POLR3E: variants seen among roughly 807,000 people sequenced by gnomAD.
The protein encoded by POLR3E is DNA-directed RNA polymerase III subunit RPC5.
A neutral mutation model predicts 96.6 loss-of-function variants in POLR3E; 41 were observed. The observed-to-expected ratio is 0.42, with a 90% CI of 0.33 to 0.55. The LOEUF (loss-of-function observed/expected upper bound fraction) is 0.55. POLR3E is among the 20% of genes least tolerant of loss of function. The pLI, the probability that POLR3E is intolerant of heterozygous loss-of-function variation, is 0.06. For synonymous variants in POLR3E, 396 were observed against 383.6 expected, an observed-to-expected ratio of 1.03 and a Z score of -0.38; for missense variants, 849 against 952.1, an observed-to-expected ratio of 0.89 and a Z score of 1.43.
At position 22,308,244 on chromosome 16, in the gene POLR3E, G is replaced by A; in HGVS notation, c.165+19G>A. ...GCAGAAGGTGGGGCTGCCCCCTGAG[G>A]GCAGTTGGGGCCGAAAGAGAGGGTG... is the stretch of plus-strand genomic sequence containing the variant. On this transcript the variant is annotated intron_variant, in intron 4 of 20. Coordinates refer to ENST00000299853, the MANE Select transcript of POLR3E (RefSeq NM_018119.4). 6.3e-7 allele frequency: 1 copy of A among 1,594,012 alleles called. No homozygotes were observed. The highest frequency in any genetic ancestry group is 1.1e-5 in the South Asian group (1 of 90,654).
chr16:22,300,861 A>T (rs186381477), intron 1 of POLR3E, among the ~76,000 whole-genome samples: 128 of 152,270 alleles, frequency 8.4e-4, no homozygotes, highest in Admixed American at 2.0e-3. Flanking sequence ...GACAACAAAC[A>T]TGTATTGAGT....
At position 22,313,068 on chromosome 16, in the gene POLR3E, G is replaced by A. The variant is rs568182437; in HGVS notation, c.365-552G>A. Among the ~76,000 whole-genome samples the A allele has an allele frequency of 1.4e-3, 214 of 152,046 alleles. No individual in the cohort carries two copies. The highest frequency in any genetic ancestry group is 4.7e-3 in the African/African-American group (193 of 41,444). On this transcript the variant is annotated intron_variant, in intron 6 of 20. Transcript: ENST00000299853. This position sits in a 1 kb window ranked among gnomAD's most constrained non-coding sequence, Gnocchi z 4.1. ...GAAAGCCACATCCCTTGCAGCGGGA[G>A]GGAAAGTCATGATCTTTATCAGAGG...
chr16:22,317,133 C>T lies in POLR3E; in HGVS notation c.792C>T (p.Pro264=), dbSNP rs543578286. The T allele has an allele frequency of 4.3e-6, 7 of 1,614,190 alleles. No homozygotes were observed. The South Asian group carries it at 5.5e-5, about 13-fold the overall frequency. ...TTCCCAGAGACAAGCCTGTGGCCCC[C>T]AGCAACGTCCTGTCGATGGCCCAGC... The part of the protein sequence containing the change: ...QEEEKDKPVA[P]SNVLSMAQLR... The change falls in exon 12 of 21, where the codon CCC becomes CCT. Residue 264 remains proline, a synonymous_variant. Transcript: ENST00000299853.
chr16:22,328,252 AT>A, intron 18 of POLR3E: 1 of 493,116 alleles, frequency 2.0e-6, no homozygotes, highest in Non-Finnish European at 3.7e-6. Flanking sequence ...GAAGCCGGGC[AT>A]TTCACTGGGC....
At chr16:22,326,304 G>T in intron 18 of POLR3E, 26 bp downstream of exon 18, 3 of 505,294 alleles carry the variant, frequency 5.9e-6, no homozygotes, top group Non-Finnish European at 1.1e-5. Context: ...CCTGCCAGGG[G>T]CATGGGGGGT....
chr16:22,326,400 A>G (rs779472557), intron 18 of POLR3E, 122 bp downstream of exon 18: 1 of 836,350 alleles, frequency 1.2e-6, no homozygotes, highest in Non-Finnish European at 2.0e-6. Flanking sequence ...ACGTGGGCCT[A>G]GGTGTGACAT....
chr16:22,300,816 C>T (rs1015967916), intron 1 of POLR3E, among the ~76,000 whole-genome samples: 5 of 152,240 alleles, frequency 3.3e-5, no homozygotes, highest in African/African-American at 1.2e-4. Flanking sequence ...TCTGTAGCTT[C>T]CTATTAAATA....
intron 19 of POLR3E, among the ~76,000 whole-genome samples, chr16:22,330,924 AC>A (rs2048724112): frequency 6.8e-6 from 1 of 146,010 alleles, no homozygotes; most frequent in Non-Finnish European, 1.5e-5. Context: ...TTCTATTTTT[AC>A]GTGATCAAAT....
chr16:22,330,427 A>G (rs1220177605), intron 19 of POLR3E, among the ~76,000 whole-genome samples: 1 of 152,176 alleles, frequency 6.6e-6, no homozygotes, highest in African/African-American at 2.4e-5. Flanking sequence ...TAGCATTGTC[A>G]CAGAATGAAC....
At chr16:22,325,152 A>G (rs2048552619) in intron 16 of POLR3E, 53 bp from the exon 17 acceptor site, 1 of 1,372,790 alleles carries the variant, frequency 7.3e-7, no homozygotes, top group East Asian at 2.3e-5. Context: ...TCTCTTGTGA[A>G]GCAGATGGTA....
Position 22,326,101 on chromosome 16 carries a change from G to A in POLR3E, c.1689G>A (p.Lys563=). ...CASTPVAREL[K]AFVEATFQRQ... ...GCACCCCTGTGGCTCGGGAACTGAA[G>A]GCCTTCGTGGAGGCCACCTTTCAGA... is the stretch of plus-strand genomic sequence containing the variant. The change falls in exon 18 of 21, where the codon AAG becomes AAA. Residue 563 remains lysine (K), a synonymous_variant. Coordinates refer to ENST00000299853, the MANE Select transcript of POLR3E (RefSeq NM_018119.4). The A allele has an allele frequency of 1.2e-6, 2 of 1,613,714 alleles. No homozygotes were observed. Among genetic ancestry groups the A allele is most frequent in the Admixed American group, 1.7e-5 (1 of 60,024 alleles).
At chr16:22,332,279 A>G in intron 20 of POLR3E, 94 bp downstream of exon 20, 1 of 1,177,698 alleles carries the variant, frequency 8.5e-7, no homozygotes. Context: ...TGTATATGAA[A>G]TCAGGCTTCC....
chr16:22,321,520 G>A (rs760289413), intron 13 of POLR3E, among the ~76,000 whole-genome samples: 12 of 152,180 alleles, frequency 7.9e-5, no homozygotes, highest in Non-Finnish European at 1.6e-4. Flanking sequence ...GGCGCATCGC[G>A]TATTACATAG....
Position 22,313,469 on chromosome 16 carries a change from C to G in POLR3E, c.365-151C>G. 2 of 605,658 alleles carry G rather than the reference C, an allele frequency of 3.3e-6. No individual in the cohort carries two copies. The highest frequency in any genetic ancestry group is 3.9e-5 in the South Asian group (2 of 51,812). 37.5% of individuals were successfully genotyped at this position (605,658 alleles called of 1,614,324 possible). A position where few individuals can be genotyped will look rare whatever the true frequency, so the allele number is the denominator to read the frequency against. ...GGTGGAGGTGGGGATGGTCCCTGGC[C>G]TGGTGGTCCCAAGACTCTAGGATTG... On this transcript the variant is annotated intron_variant, in intron 6 of 20. Coordinates refer to ENST00000299853, the MANE Select transcript of POLR3E (RefSeq NM_018119.4). The surrounding 1 kb of genome is among the most constrained non-coding windows in gnomAD (Gnocchi z 4.1).
chr16:22,333,604 T>A, intron 20 of POLR3E, 40 bp from the exon 21 acceptor site: 1 of 1,443,352 alleles, frequency 6.9e-7, no homozygotes. Context: ...TAGCTCCTTT[T>A]CCTGCAAAAA....
At chr16:22,329,536 A>C (rs1318894615) in intron 19 of POLR3E, among the ~76,000 whole-genome samples, 1 of 152,074 alleles carries the variant, frequency 6.6e-6, no homozygotes, top group Non-Finnish European at 1.5e-5. Context: ...CAGAAATCCC[A>C]CTGAGCTCTC....
In POLR3E at chr16:22,333,733, A is replaced by G; in HGVS notation, c.*33A>G. 2 of 1,488,250 alleles carry G rather than the reference A, an allele frequency of 1.3e-6. No homozygotes were observed. Among genetic ancestry groups the G allele is most frequent in the Non-Finnish European group, 9.4e-7 (1 of 1,065,256 alleles). 92.2% of individuals were successfully genotyped at this position (1,488,250 alleles called of 1,614,324 possible). A position where few individuals can be genotyped will look rare whatever the true frequency, so the allele number is the denominator to read the frequency against. ...AGCAAACTACTAACCCAGCAAATCT[A>G]AGCCCAAGGAAGAAGGGCGGAACCA... On this transcript the variant is annotated 3_prime_UTR_variant, in exon 21 of 21. Coordinates refer to ENST00000299853, the MANE Select transcript of POLR3E (RefSeq NM_018119.4).
At chr16:22,315,332 C>G in intron 9 of POLR3E, 124 bp downstream of exon 9, 1 of 1,064,496 alleles carries the variant, frequency 9.4e-7, no homozygotes, top group Non-Finnish European at 1.3e-6. Context: ...GATAGAGGAT[C>G]GAGTCCTGTG....
intron 1 of POLR3E, among the ~76,000 whole-genome samples, chr16:22,299,254 T>C (rs2047970665): frequency 1.3e-5 from 2 of 152,086 alleles, no homozygotes; most frequent in South Asian, 4.1e-4. Context: ...GCTTGCCTTG[T>C]TGGAGGCCCA....
Sources: allele counts gnomAD v4.1 joint callset (sites outside exome capture counted in the v4.1 genomes callset), GRCh38; gene constraint gnomAD v4.1.1; non-coding constraint Gnocchi (gnomAD v3.1); transcripts MANE v1.5; gene names NCBI Gene and HGNC (gene_info 2026-07-23, HGNC 2026-07-21).